The following DNAJC16 variants were observed in gnomAD, a reference collection of about 807,000 sequenced individuals.
DNAJC16 encodes the protein DnaJ heat shock protein family (Hsp40) member C16.
In DNAJC16, 76 loss-of-function variants were observed where a neutral mutation model predicts 92.7. The observed-to-expected ratio is 0.82, with a 90% CI of 0.68 to 0.99. The LOEUF is 0.99. Ranked by LOEUF, DNAJC16 falls within the 50% of genes least tolerant of loss-of-function variation. The pLI, the probability that DNAJC16 is intolerant of heterozygous loss-of-function variation, is 0.00. For synonymous variants in DNAJC16, 328 were observed against 358.7 expected (o/e 0.91, Z 0.97); for missense variants, 869 against 942.4 (o/e 0.92, Z 1.02).
intron 4 of DNAJC16, among the ~76,000 whole-genome samples, chr1:15,537,464 C>G (rs181480141): frequency 2.9e-4 from 44 of 152,246 alleles, no homozygotes; most frequent in African/African-American, 1.0e-3. Context: ...TAACACTGAC[C>G]TCACATTTGC....
chr1:15,536,072 C>CTTTTTTT (rs758451008), intron 3 of DNAJC16, among the ~76,000 whole-genome samples: 37 of 84,554 alleles, frequency 4.4e-4, no homozygotes, highest in Middle Eastern at 6.0e-3. Context: ...CTTTTCTTTT[C>CTTTTTTT]TTTTTTTTTT....
chr1:15,548,152 G>A (rs536698411), intron 6 of DNAJC16, 118 bp from the exon 7 acceptor site: 35 of 890,584 alleles, frequency 3.9e-5, no homozygotes, highest in Admixed American at 5.3e-5. Flanking sequence ...AAGACCTAGT[G>A]GAGCTGTGTA....
intron 7 of DNAJC16, among the ~76,000 whole-genome samples, chr1:15,553,025 C>G (rs1195702559): frequency 6.6e-6 from 1 of 152,152 alleles, no homozygotes; most frequent in East Asian, 1.9e-4. Context: ...CCACCTCCGC[C>G]TCCCAAAGTG....
At chr1:15,531,686 A>G (rs115441213) in intron 2 of DNAJC16, among the ~76,000 whole-genome samples, 279 of 152,326 alleles carry the variant, frequency 1.8e-3, no homozygotes, top group African/African-American at 6.4e-3. Context: ...CTCTTTTTTA[A>G]TTAGATTCTC....
Position 15,546,819 on chromosome 1 carries a change from A to G in DNAJC16, c.812A>G (p.Lys271Arg). Residue 271 changes from lysine to arginine, a missense_variant, in exon 6 of 15, where the codon AAG becomes AGG. Lys to Arg is a conservative substitution (Grantham distance 26, BLOSUM62 2). Coordinates refer to ENST00000375847, the MANE Select transcript of DNAJC16 (RefSeq NM_015291.4). ...RFLSGWQQEN[K>R]PHVLLFDQTP... ...CTCTCTGGCTGGCAGCAAGAGAATA[A>G]GCCTCATGTCCTTCTGTTTGACCAA... 1 of 1,613,984 alleles carries G rather than the reference A, an allele frequency of 6.2e-7. No individual in the cohort carries two copies. The highest frequency in any genetic ancestry group is 8.5e-7 in the Non-Finnish European group (1 of 1,179,982).
chr1:15,549,624 C>T (rs1219313336), intron 7 of DNAJC16, among the ~76,000 whole-genome samples: 4 of 151,646 alleles, frequency 2.6e-5, no homozygotes, highest in African/African-American at 4.8e-5. Flanking sequence ...ACCATCCTGG[C>T]CAACGTGGTG....
Position 15,564,075 on chromosome 1 carries a change from A to T in DNAJC16, c.1485A>T (p.Glu495Asp). 1 of 1,614,212 alleles carries T rather than the reference A, an allele frequency of 6.2e-7. No individual in the cohort carries two copies. The highest frequency in any genetic ancestry group is 8.5e-7 in the Non-Finnish European group (1 of 1,180,024). Residue 495 changes from glutamate to aspartate, a missense_variant, in exon 10 of 15, where the codon GAA becomes GAT. Physicochemically the swap from Glu to Asp is conservative, Grantham distance 45 (BLOSUM62 2). Transcript: ENST00000375847. The stretch of plus-strand genomic sequence containing the variant: ...AAGATCCAGCTCTTCTGTCCTCTGA[A>T]GCAGTGCTTCCTGACCTGACCGATG... ...LRKDPALLSSEAVLPDLTDEL... is the reference protein window; with the variant it reads ...LRKDPALLSSDAVLPDLTDEL...
chr1:15,546,321 A>T (rs563145024), intron 5 of DNAJC16, among the ~76,000 whole-genome samples: 21 of 152,268 alleles, frequency 1.4e-4, no homozygotes, highest in African/African-American at 4.8e-4. Context: ...CTCAGAAAAA[A>T]GGGTGAGGGG....
Position 15,529,289 on chromosome 1 carries a change from A to C in DNAJC16, c.167+17A>C. The C allele has an allele frequency of 6.2e-7, 1 of 1,602,970 alleles. No homozygotes were observed. ...CCGGGAATGGTAGGTGAAACAAAGA[A>C]ATAGAGGTTTAACATAAGCTAAACA... On this transcript the variant is annotated intron_variant, in intron 2 of 14. Transcript: ENST00000375847.
At position 15,568,556 on chromosome 1, in the gene DNAJC16, T is replaced by A; in HGVS notation, c.*379T>A. 1 of 421,034 alleles carries A rather than the reference T, an allele frequency of 2.4e-6. No homozygotes were observed. Among genetic ancestry groups the A allele is most frequent in the Non-Finnish European group, 4.2e-6 (1 of 239,090 alleles). 26.1% of individuals were successfully genotyped at this position (421,034 alleles called of 1,614,324 possible). On this transcript the variant is annotated 3_prime_UTR_variant, in exon 15 of 15. Transcript: ENST00000375847. ...GGCATCTGGCGGACCCTCATGAGCC[T>A]GTCGTGCAGGCCAGGTCATTGGCCC...
At chr1:15,558,847 G>A (rs1418894284) in intron 7 of DNAJC16, among the ~76,000 whole-genome samples, 2 of 152,126 alleles carry the variant, frequency 1.3e-5, no homozygotes, top group African/African-American at 4.8e-5. Flanking sequence ...ATTTTTAATT[G>A]CCCAGTTCGC....
In DNAJC16 at chr1:15,567,568, C is replaced by T. The variant is rs182505372; in HGVS notation, c.1950-210C>T. On this transcript the variant is annotated intron_variant, in intron 14 of 14. Coordinates refer to ENST00000375847, the MANE Select transcript of DNAJC16 (RefSeq NM_015291.4). The stretch of plus-strand genomic sequence containing the variant: ...CCAGAAGAGCAATGTTAAGTTCCAC[C>T]GAGCAAGCGATGGGGGAATGGGTGA... 5.3e-3 allele frequency among the ~76,000 whole-genome samples: 814 copies of T among 152,274 alleles called. 5 individuals carry two copies. The highest frequency in any genetic ancestry group is 0.02 in the Middle Eastern group (6 of 294).
intron 5 of DNAJC16, among the ~76,000 whole-genome samples, chr1:15,545,036 A>G (rs1638262561): frequency 6.6e-6 from 1 of 152,220 alleles, no homozygotes; most frequent in South Asian, 2.1e-4. Context: ...ATTCCATGAA[A>G]TCAAATATTA....
chr1:15,559,415 T>TA, intron 7 of DNAJC16, 111 bp from the exon 8 acceptor site: 2 of 1,452,252 alleles, frequency 1.4e-6, no homozygotes, highest in African/African-American at 2.8e-5. Context: ...TTGGTTATAT[T>TA]ACTTTAGCCA....
At position 15,536,411 on chromosome 1, in the gene DNAJC16, G is replaced by A; in HGVS notation, c.235-64G>A. 3.7e-6 allele frequency: 5 copies of A among 1,341,726 alleles called. 1 individual carries two copies. Among genetic ancestry groups the A allele is most frequent in the Non-Finnish European group, 5.0e-6 (5 of 997,926 alleles). 83.1% of individuals were successfully genotyped at this position (1,341,726 alleles called of 1,614,324 possible). A position where few individuals can be genotyped will look rare whatever the true frequency, so the allele number is the denominator to read the frequency against. ...ATTTTCTTCCTATGTCTTTCAAGCT[G>A]CTTACAAAAAAGTCTTTTGGATGAA... On this transcript the variant is annotated intron_variant, in intron 3 of 14. Transcript: ENST00000375847.
intron 4 of DNAJC16, among the ~76,000 whole-genome samples, chr1:15,544,151 T>TACACACACACACACACAC (rs148744006): frequency 0.017 from 2,287 of 137,208 alleles, 71 homozygotes; most frequent in African/African-American, 0.044. Flanking sequence ...TGTATATGCA[T>TACACACACACACACACAC]ACACACACAC....
intron 1 of DNAJC16, among the ~76,000 whole-genome samples, chr1:15,527,632 C>G (rs1421487614): frequency 6.6e-6 from 1 of 152,170 alleles, no homozygotes; most frequent in Non-Finnish European, 1.5e-5. Flanking sequence ...CACGTGTTTT[C>G]TAGGATATAA....
intron 7 of DNAJC16, among the ~76,000 whole-genome samples, chr1:15,554,296 G>T (rs772984967): frequency 2.6e-5 from 4 of 151,676 alleles, no homozygotes; most frequent in Non-Finnish European, 4.4e-5. Flanking sequence ...TCCAGTTTTT[G>T]GTTATTTGAA....
In DNAJC16 at chr1:15,536,623, TC is replaced by T; in HGVS notation, c.386del (p.Pro129LeufsTer22). ...NFYFDESFFH[F>X]PFNSERRDSI... is the part of the protein sequence containing the mutation. Reference sequence around the variant, plus strand: ...TATTTTGATGAATCCTTTTTTCACTTCCCTTTTAATTCTGAACGGCGGGACT... The same window carrying T: ...TATTTTGATGAATCCTTTTTTCACTTCCTTTTAATTCTGAACGGCGGGACT... On this transcript the variant is annotated frameshift_variant, in exon 4 of 15. Coordinates refer to ENST00000375847, the MANE Select transcript of DNAJC16 (RefSeq NM_015291.4). LOFTEE classifies it high-confidence loss of function. 6.2e-7 allele frequency: 1 copy of T among 1,614,194 alleles called. No individual in the cohort carries two copies. Among genetic ancestry groups the T allele is most frequent in the Non-Finnish European group, 8.5e-7 (1 of 1,180,042 alleles).
Sources: gnomAD v4.1 joint callset for allele counts (sites outside exome capture counted in the v4.1 genomes callset) on GRCh38, gnomAD v4.1.1 for gene constraint, MANE v1.5 for transcripts, NCBI Gene and HGNC (gene_info 2026-07-23, HGNC 2026-07-21) for gene names.